WDR62: variants seen among roughly 807,000 people sequenced by gnomAD.
WDR62 encodes the protein WD repeat domain 62.
A neutral mutation model predicts 160.6 loss-of-function variants in WDR62; 112 were observed. That is an observed-to-expected ratio of 0.70 (90% CI 0.60 to 0.82). The LOEUF is 0.82. Ranked by LOEUF, WDR62 falls within the 40% of genes least tolerant of loss-of-function variation. The pLI is 0.00. For synonymous variants in WDR62, 792 were observed against 815.1 expected (o/e 0.97, Z 0.48); for missense variants, 1,819 against 1,983.8 (o/e 0.92, Z 1.58).
downstream of WDR62, among the ~76,000 whole-genome samples, chr19:36,109,660 G>C (rs1219923612): frequency 6.6e-6 from 1 of 152,084 alleles, no homozygotes; most frequent in African/African-American, 2.4e-5. Flanking sequence ...CTTGAACCCA[G>C]GAGACGGAGG....
chr19:36,076,009 TATC>T (rs1971553548), intron 9 of WDR62: 1 of 152,214 alleles, frequency 6.6e-6, no homozygotes, highest in Non-Finnish European at 1.5e-5. Flanking sequence ...TTTTATTTAA[TATC>T]ATTATAAACT....
intron 9 of WDR62, among the ~76,000 whole-genome samples, chr19:36,079,502 A>G (rs1821519374): frequency 6.6e-6 from 1 of 152,004 alleles, no homozygotes; most frequent in South Asian, 2.1e-4. Context: ...TGATTGGTCA[A>G]TTTCATTTCT....
Position 36,092,823 on chromosome 19 carries a change from C to T in WDR62, c.2333+12C>T, listed in dbSNP as rs1250062969. 6 of 1,613,668 alleles carry T rather than the reference C, an allele frequency of 3.7e-6. No individual in the cohort carries two copies. Among genetic ancestry groups the T allele is most frequent in the Non-Finnish European group, 5.1e-6 (6 of 1,179,890 alleles). On this transcript the variant is annotated intron_variant, in intron 19 of 31. Transcript: ENST00000401500. Reference sequence around the variant, plus strand: ...AGTGGCCACCCCAGGTCCTGGCAGCCCCTGCCTGTCCACCAGAGGGATGAG... The same window carrying T: ...AGTGGCCACCCCAGGTCCTGGCAGCTCCTGCCTGTCCACCAGAGGGATGAG...
intron 26 of WDR62, chr19:36,102,394 G>A (rs1973417108): frequency 3.3e-6 from 2 of 610,372 alleles, no homozygotes; most frequent in Non-Finnish European, 5.8e-6. Context: ...CTGAGTAGCT[G>A]GGATTATAGG....
intron 6 of WDR62, among the ~76,000 whole-genome samples, 191 bp downstream of exon 6, chr19:36,067,634 C>G (rs1444988677): frequency 1.3e-5 from 2 of 152,222 alleles, no homozygotes; most frequent in Non-Finnish European, 2.9e-5. Context: ...ACCCCCTGAC[C>G]CTGGGACCAG....
At position 36,104,826 on chromosome 19, in the gene WDR62, C is replaced by T. The variant is rs1973648098; in HGVS notation, c.4370C>T (p.Ser1457Phe). 9 of 1,613,558 alleles carry T rather than the reference C, an allele frequency of 5.6e-6. No individual in the cohort carries two copies. Among genetic ancestry groups the T allele is most frequent in the African/African-American group, 2.7e-5 (2 of 75,062 alleles). ...GQQQARTELV[S>F]TFLWIHSQLE... ...CAGCAGGCACGGACTGAGCTGGTCT[C>T]CACCTTCCTGTGGATCCACAGCCAG... Residue 1457 changes from serine (S) to phenylalanine (F), a missense_variant, in exon 32 of 32, where the codon TCC (serine) becomes TTC (phenylalanine). This residue lies in a region of WDR62 where 770 missense variants were observed against 734.2 expected (regional missense o/e 1.05). Coordinates refer to ENST00000401500, the MANE Select transcript of WDR62 (RefSeq NM_001083961.2).
chr19:36,059,206 C>T (rs1970519584), intron 2 of WDR62: 1 of 462,186 alleles, frequency 2.2e-6, no homozygotes, highest in Middle Eastern at 6.7e-4. Flanking sequence ...CTCTGAGCCT[C>T]TTCCTCTGCC....
Position 36,054,902 on chromosome 19 carries a change from TC to T in WDR62, c.-68del. 1 of 1,534,554 alleles carries T rather than the reference TC, an allele frequency of 6.5e-7. No homozygotes were observed. The highest frequency in any genetic ancestry group is 8.8e-7 in the Non-Finnish European group (1 of 1,140,116). On this transcript the variant is annotated 5_prime_UTR_variant, in exon 1 of 32. Coordinates refer to ENST00000401500, the MANE Select transcript of WDR62 (RefSeq NM_001083961.2). ...CGGCTTTCCCGCGGCTGTTCGCTGT[TC>T]CAGTGGGTCGTGGCGGTGGCGGCAG...
intron 15 of WDR62, among the ~76,000 whole-genome samples, chr19:36,090,118 G>A (rs1348242128): frequency 1.3e-5 from 2 of 152,200 alleles, no homozygotes; most frequent in Non-Finnish European, 2.9e-5. Context: ...TTAGCCTGGG[G>A]AGGATGTGGA....
intron 12 of WDR62, 130 bp downstream of exon 12, chr19:36,084,874 C>A (rs1232288309): frequency 3.6e-6 from 3 of 835,172 alleles, no homozygotes; most frequent in Non-Finnish European, 5.9e-6. Context: ...TCGGTAAGGG[C>A]CCCTGTAGCT....
intron 9 of WDR62, 84 bp from the exon 10 acceptor site, chr19:36,081,349 C>CTTT: frequency 8.6e-7 from 1 of 1,157,000 alleles, no homozygotes; most frequent in Non-Finnish European, 1.2e-6. Flanking sequence ...CTTTAACTTA[C>CTTT]TTTTTTTTTT....
At position 36,060,000 on chromosome 19, in the gene WDR62, A is replaced by C. The variant is rs759614870; in HGVS notation, c.302A>C (p.Asn101Thr). ...CVVVILDPKE[N>T]KQQHIFNTAR... Reference sequence around the variant, plus strand: ...GTGGTGATTTTGGACCCCAAGGAGAACAAGCAGCAGCACATCTTTAACACC... The same window carrying C: ...GTGGTGATTTTGGACCCCAAGGAGACCAAGCAGCAGCACATCTTTAACACC... The change falls in exon 3 of 32, where the codon AAC (asparagine) becomes ACC (threonine). Residue 101 changes from asparagine (N) to threonine (T), a missense_variant. Asn to Thr is a moderately conservative substitution (Grantham distance 65). This residue lies in a region of WDR62 where 934 missense variants were observed against 1,157.2 expected (regional missense o/e 0.81). Coordinates refer to ENST00000401500, the MANE Select transcript of WDR62 (RefSeq NM_001083961.2). 2 of 1,614,078 alleles carry C rather than the reference A, an allele frequency of 1.2e-6. No individual in the cohort carries two copies. Among genetic ancestry groups the C allele is most frequent in the Non-Finnish European group, 8.5e-7 (1 of 1,180,060 alleles).
rs750770236 is a variant in WDR62 at position 36,101,195 on chromosome 19, GCCCCCACT to G, written c.2868-18_2868-11del. 16 of 1,600,928 alleles carry G rather than the reference GCCCCCACT, an allele frequency of 1.0e-5. No individual in the cohort carries two copies. In the East Asian group the frequency reaches 3.6e-4, roughly 36 times the overall value. Reference sequence around the variant, plus strand: ...CAGCTGAAGTCCTTGTTCCCTCTCTGCCCCCACTGGCACTGCAGCCAGTATTGCAGGAA... The same window carrying G: ...CAGCTGAAGTCCTTGTTCCCTCTCTGGGCACTGCAGCCAGTATTGCAGGAA... On this transcript the variant is annotated splice_polypyrimidine_tract_variant and intron_variant, in intron 23 of 31. Coordinates refer to ENST00000401500, the MANE Select transcript of WDR62 (RefSeq NM_001083961.2).
At chr19:36,090,703 T>G (rs1008866800) in intron 16 of WDR62, among the ~76,000 whole-genome samples, 183 bp downstream of exon 16, 5 of 152,172 alleles carry the variant, frequency 3.3e-5, no homozygotes, top group Admixed American at 3.3e-4. Flanking sequence ...CTGTGTTTCC[T>G]TTATTTACAG....
downstream of WDR62, among the ~76,000 whole-genome samples, chr19:36,108,683 A>G (rs1973753697): frequency 6.6e-6 from 1 of 151,734 alleles, no homozygotes. Context: ...GCAAGACTCC[A>G]CCTCTACAAA....
chr19:36,073,978 G>A (rs886459830), intron 9 of WDR62: 36 of 336,300 alleles, frequency 1.1e-4, no homozygotes, highest in African/African-American at 6.6e-4. Context: ...TGTGGAGGTC[G>A]TTTATGTATT....
intron 16 of WDR62, 134 bp from the exon 17 acceptor site, chr19:36,091,066 G>C: frequency 1.3e-6 from 1 of 741,058 alleles, no homozygotes; most frequent in Non-Finnish European, 2.4e-6. Flanking sequence ...TTCACGTGTC[G>C]AATGGGAGCG....
chr19:36,058,911 G>A lies in WDR62; in HGVS notation c.269+40G>A, dbSNP rs776481957. 13 of 1,551,388 alleles carry A rather than the reference G, an allele frequency of 8.4e-6. No homozygotes were observed. In the East Asian group the frequency reaches 2.7e-4, roughly 32 times the overall value. ...GCCTCGACGTCTAATCATTGCTAGG[G>A]AATTTGGAGCTTGGAACCTGAAGCC... On this transcript the variant is annotated intron_variant, in intron 2 of 31. Coordinates refer to ENST00000401500, the MANE Select transcript of WDR62 (RefSeq NM_001083961.2).
chr19:36,110,382 A>T, the WDR62 span, among the ~76,000 whole-genome samples: 1 of 151,900 alleles, frequency 6.6e-6, no homozygotes, highest in Non-Finnish European at 1.5e-5. Context: ...GAGGCAGGAG[A>T]ATCGTTTGAA....
Sources: allele counts gnomAD v4.1 joint callset (sites outside exome capture counted in the v4.1 genomes callset), GRCh38; gene constraint gnomAD v4.1.1; regional missense constraint gnomAD v4.1.1; transcripts MANE v1.5; gene names NCBI Gene and HGNC (gene_info 2026-07-23, HGNC 2026-07-21).